MYPN: variants seen among roughly 807,000 people sequenced by gnomAD.
MYPN encodes myopalladin, also known as sarcomeric protein myopalladin, 145 kDa (MYOP).
Under a neutral mutation model 129.4 loss-of-function variants are expected in MYPN, and 63 were observed. That is an observed-to-expected ratio of 0.49 (90% CI 0.40 to 0.60). The LOEUF (loss-of-function observed/expected upper bound fraction) is 0.60, where lower values mean the gene tolerates loss of function less well. MYPN is among the 20% of genes least tolerant of loss of function. The pLI, the probability that MYPN is intolerant of heterozygous loss-of-function variation, is 0.00. For synonymous variants in MYPN, 629 were observed against 600.9 expected, an observed-to-expected ratio of 1.05 and a Z score of -0.68; for missense variants, 1,596 against 1,635.4, an observed-to-expected ratio of 0.98 and a Z score of 0.42.
chr10:68,164,216 T>G (rs2043021494), intron 8 of MYPN, among the ~76,000 whole-genome samples: 1 of 152,212 alleles, frequency 6.6e-6, no homozygotes, highest in Non-Finnish European at 1.5e-5. Context: ...TCAAGGGGCC[T>G]GCATCTGGTG....
Position 68,175,341 on chromosome 10 carries a change from G to T in MYPN, c.2583G>T (p.Ala861=). Residue 861 remains alanine (A), a synonymous_variant, in exon 12 of 20, where the codon GCG becomes GCT. Coordinates refer to ENST00000358913, the MANE Select transcript of MYPN (RefSeq NM_032578.4). ...CTTACAGGCCATCCCAGGGATTAGC[G>T]AAGAAAAATACAAAGTCTCCTCAAC... ...SAPSMPSQGL[A]KKNTKSPQPV... is the part of the protein sequence containing the mutation. 6.2e-7 allele frequency: 1 copy of T among 1,613,968 alleles called. No individual in the cohort carries two copies. The highest frequency in any genetic ancestry group is 1.1e-5 in the South Asian group (1 of 91,076).
intron 10 of MYPN, among the ~76,000 whole-genome samples, chr10:68,173,810 G>A (rs866746353): frequency 2.1e-4 from 32 of 149,426 alleles, no homozygotes; most frequent in African/African-American, 6.1e-4. Flanking sequence ...CACCATGTCT[G>A]GCTAATATAT....
rs150223120 is a variant in MYPN, at chr10:68,174,243, G to A, written c.2151G>A (p.Thr717=). Residue 717 remains threonine (T), a synonymous_variant, in exon 11 of 20, where the codon ACG becomes ACA. Transcript: ENST00000358913. Reference sequence around the variant, plus strand: ...AGGTGAAGGCTCCTTCATCACAGACGTTCAGCTTGGCCCGGCCGAAGTATT... The same window carrying A: ...AGGTGAAGGCTCCTTCATCACAGACATTCAGCTTGGCCCGGCCGAAGTATT... ...SKQVKAPSSQ[T]FSLARPKYFF... The A allele has an allele frequency of 6.2e-6, 10 of 1,613,958 alleles. No homozygotes were observed. The highest frequency in any genetic ancestry group is 3.3e-4 in the Middle Eastern group (2 of 6,084).
At chr10:68,145,682 G>T (rs1482748079) in intron 4 of MYPN, among the ~76,000 whole-genome samples, 156 bp downstream of exon 4, 2 of 152,188 alleles carry the variant, frequency 1.3e-5, no homozygotes, top group African/African-American at 4.8e-5. Flanking sequence ...AACAAATTGA[G>T]TGGATTTGAA....
chr10:68,197,917 G>A (rs554937579), intron 16 of MYPN, among the ~76,000 whole-genome samples: 2 of 152,124 alleles, frequency 1.3e-5, no homozygotes, highest in East Asian at 1.9e-4. Flanking sequence ...CAGTGTGAAC[G>A]CGGTGGGCAA....
At chr10:68,153,305 A>T (rs981224154) in intron 6 of MYPN, among the ~76,000 whole-genome samples, 1 of 151,916 alleles carries the variant, frequency 6.6e-6, no homozygotes, top group Non-Finnish European at 1.5e-5. Flanking sequence ...TTTACATTTA[A>T]TTTTCATGAG....
chr10:68,111,303 C>T (rs956120465), intron 1 of MYPN, among the ~76,000 whole-genome samples: 2 of 152,116 alleles, frequency 1.3e-5, no homozygotes, highest in Non-Finnish European at 2.9e-5. Context: ...AATTTTTCAA[C>T]AGTTAGTTCC....
Position 68,202,048 on chromosome 10 carries a change from G to A in MYPN, c.3659+54G>A, listed in dbSNP as rs71541553. On this transcript the variant is annotated intron_variant, in intron 18 of 19. Transcript: ENST00000358913. ...TCCCACTCTCAGTGGGGCTTGTTGC[G>A]CCACCCAAATAAGTCTGCTGCTATT... 21,831 of 1,595,964 alleles carry A rather than the reference G, an allele frequency of 0.014. 203 individuals are homozygous for A. The highest frequency in any genetic ancestry group is 0.04 in the Middle Eastern group (243 of 6,022).
At chr10:68,148,075 G>A (rs1021746243) in intron 4 of MYPN, among the ~76,000 whole-genome samples, 2 of 152,138 alleles carry the variant, frequency 1.3e-5, no homozygotes, top group African/African-American at 4.8e-5. Context: ...CACTGCATTT[G>A]TCTTGGATCT....
At position 68,206,924 on chromosome 10, in the gene MYPN, T is replaced by C. The variant is rs1348597936; in HGVS notation, c.3793+21T>C. 4 of 1,613,848 alleles carry C rather than the reference T, an allele frequency of 2.5e-6. No homozygotes were observed. In the Admixed American group the frequency reaches 6.7e-5, roughly 27 times the overall value. On this transcript the variant is annotated intron_variant, in intron 19 of 19. Coordinates refer to ENST00000358913, the MANE Select transcript of MYPN (RefSeq NM_032578.4). ...ATACGGTAAGTGTAATGCTGTTAGTTGAACATCTGTATGCAACTGACAGCT... is the reference window on the plus strand; with the variant it reads ...ATACGGTAAGTGTAATGCTGTTAGTCGAACATCTGTATGCAACTGACAGCT...
chr10:68,095,030 C>T (rs1480114226), intron 1 of MYPN, among the ~76,000 whole-genome samples: 1 of 152,136 alleles, frequency 6.6e-6, no homozygotes, highest in Admixed American at 6.6e-5. Flanking sequence ...CATTGCACTC[C>T]AGCCTGGGCT....
chr10:68,096,952 C>A (rs534198105), intron 1 of MYPN, among the ~76,000 whole-genome samples: 1 of 152,298 alleles, frequency 6.6e-6, no homozygotes, highest in African/African-American at 2.4e-5. Flanking sequence ...AAGCACATAG[C>A]ATAAACTGGA....
chr10:68,098,853 A>C (rs2041969379), intron 1 of MYPN, among the ~76,000 whole-genome samples: 1 of 151,816 alleles, frequency 6.6e-6, no homozygotes, highest in African/African-American at 2.4e-5. Flanking sequence ...CAAAAAACAA[A>C]TTTTTTTTGA....
Position 68,158,563 on chromosome 10 carries a change from G to T in MYPN, c.1395G>T (p.Lys465Asn). ...ECRVKGAPSP[K>N]VEWYREGTLI... Reference sequence around the variant, plus strand: ...GAGTAAAAGGAGCTCCATCTCCTAAGGTTGAGTGGTATAGAGAAGGGACTT... The same window carrying T: ...GAGTAAAAGGAGCTCCATCTCCTAATGTTGAGTGGTATAGAGAAGGGACTT... Residue 465 changes from lysine (K) to asparagine (N), a missense_variant, in exon 7 of 20, where the codon AAG becomes AAT. Physicochemically the swap from Lys to Asn is moderately conservative, Grantham distance 94. Coordinates refer to ENST00000358913, the MANE Select transcript of MYPN (RefSeq NM_032578.4). The T allele has an allele frequency of 6.2e-7, 1 of 1,612,336 alleles. No individual in the cohort carries two copies. The highest frequency in any genetic ancestry group is 8.5e-7 in the Non-Finnish European group (1 of 1,178,370).
At chr10:68,103,779 G>C (rs570124780), upstream of MYPN, among the ~76,000 whole-genome samples, 130 of 152,248 alleles carry the variant, frequency 8.5e-4, no homozygotes, top group African/African-American at 2.3e-3. Flanking sequence ...GTGAAACCCT[G>C]TCTCTACTAA....
Position 68,131,231 on chromosome 10 carries a change from A to G in MYPN, c.902+8891A>G, listed in dbSNP as rs1249759911. Among the ~76,000 whole-genome samples the G allele has an allele frequency of 2.6e-5, 4 of 152,126 alleles. No individual in the cohort carries two copies. The East Asian group carries it at 7.7e-4, about 29-fold the overall frequency. On this transcript the variant is annotated intron_variant, in intron 2 of 19. Coordinates refer to ENST00000358913, the MANE Select transcript of MYPN (RefSeq NM_032578.4). ...TGGTGAAACCCCGTCTCTACCAAAAATACAAAAATTAGCAGAGCATAGTGG... is the reference window on the plus strand; with the variant it reads ...TGGTGAAACCCCGTCTCTACCAAAAGTACAAAAATTAGCAGAGCATAGTGG...
Position 68,122,236 on chromosome 10 carries a change from G to A in MYPN, c.798G>A (p.Gly266=), listed in dbSNP as rs1256214592. ...CTCTGTACTATGAAGAACCTCTGGG[G>A]CAACCTCCCCGGTTCACTCAAAAGT... ...PSSLYYEEPL[G]QPPRFTQKLR... is the part of the protein sequence containing the mutation. The change falls in exon 2 of 20, where the codon GGG becomes GGA. Residue 266 remains glycine, a synonymous_variant. Transcript: ENST00000358913. The A allele has an allele frequency of 6.2e-7, 1 of 1,612,580 alleles. No homozygotes were observed. Among genetic ancestry groups the A allele is most frequent in the Non-Finnish European group, 8.5e-7 (1 of 1,179,282 alleles).
At chr10:68,193,564 C>T (rs1014978331) in intron 13 of MYPN, among the ~76,000 whole-genome samples, 1 of 152,136 alleles carries the variant, frequency 6.6e-6, no homozygotes, top group Non-Finnish European at 1.5e-5. Flanking sequence ...TCACATCAGT[C>T]AGCAGATTTT....
rs1483114607 is a variant in MYPN at position 68,175,577 on chromosome 10, A to G, written c.2703+116A>G. ...CAGTGAGGCTGATGTTGCAGCTCAG[A>G]TGGTAGAGCACAGACTAACCAAAGG... On this transcript the variant is annotated intron_variant, in intron 12 of 19. Transcript: ENST00000358913. The G allele has an allele frequency of 8.7e-6, 10 of 1,151,550 alleles. No individual in the cohort carries two copies. The Middle Eastern group carries it at 6.0e-4, about 69-fold the overall frequency. 71.3% of individuals were successfully genotyped at this position (1,151,550 alleles called of 1,614,324 possible).
Sources: allele counts gnomAD v4.1 joint callset (sites outside exome capture counted in the v4.1 genomes callset), GRCh38; gene constraint gnomAD v4.1.1; transcripts MANE v1.5; gene names NCBI Gene and HGNC (gene_info 2026-07-23, HGNC 2026-07-21).